GRM8: variants seen among roughly 807,000 people sequenced by gnomAD.
GRM8 encodes glutamate metabotropic receptor 8.
A neutral mutation model predicts 87.2 loss-of-function variants in GRM8; 47 were observed. The ratio of observed to expected loss-of-function variants is 0.54; its 90% CI spans 0.43 to 0.69. The LOEUF (loss-of-function observed/expected upper bound fraction) is 0.69. Ranked by LOEUF, GRM8 falls within the 30% of genes least tolerant of loss-of-function variation. The pLI, the probability that GRM8 is intolerant of heterozygous loss-of-function variation, is 0.00. For missense variants in GRM8, 1,019 were observed against 1,139.2 expected (o/e 0.89, Z 1.52); for synonymous variants, 396 against 404.5 (o/e 0.98, Z 0.25).
chr7:126,616,798 C>T (rs1431893711), intron 7 of GRM8, among the ~76,000 whole-genome samples: 1 of 152,178 alleles, frequency 6.6e-6, no homozygotes, highest in African/African-American at 2.4e-5. Context: ...AATTCCTCGA[C>T]ACATACACCC....
intron 8 of GRM8, among the ~76,000 whole-genome samples, chr7:126,602,950 C>G (rs1300192462): frequency 7.3e-6 from 1 of 137,226 alleles, no homozygotes; most frequent in African/African-American, 2.6e-5. Flanking sequence ...AATTTTAGAC[C>G]AATATCCTTG....
At chr7:127,231,084 C>T (rs1797659415) in intron 2 of GRM8, among the ~76,000 whole-genome samples, 1 of 152,108 alleles carries the variant, frequency 6.6e-6, no homozygotes, top group African/African-American at 2.4e-5. Context: ...TTCATATTAT[C>T]CACTACAATG....
intron 2 of GRM8, among the ~76,000 whole-genome samples, chr7:127,224,982 T>C (rs549694288): frequency 6.6e-6 from 1 of 152,306 alleles, no homozygotes; most frequent in South Asian, 2.1e-4. Flanking sequence ...TGATAAATCA[T>C]GTATGTCTAC....
At position 127,202,226 on chromosome 7, in the gene GRM8, C is replaced by T. The variant is rs1309256408; in HGVS notation, c.510+40469G>A. Among the ~76,000 whole-genome samples, 7 of 149,108 alleles carry T rather than the reference C, an allele frequency of 4.7e-5. No individual in the cohort carries two copies. The East Asian group carries it at 1.2e-3, about 25-fold the overall frequency. ...AAAGGGTCTCACTCTGTCACCCAGG[C>T]TGCAGTATAGTGATGCCATCTCTGC... On this transcript the variant is annotated intron_variant, in intron 2 of 10. Coordinates refer to ENST00000339582, the MANE Select transcript of GRM8 (RefSeq NM_000845.3).
In GRM8 at chr7:127,106,077, G is replaced by A. The variant is rs192988042; in HGVS notation, c.727+419C>T. The stretch of plus-strand genomic sequence containing the variant: ...GAGGGCTACTTCAGCATTGTTTTAA[G>A]ATGATTACTAGACTTAGTCCCTCTA... On this transcript the variant is annotated intron_variant, in intron 3 of 10. Transcript: ENST00000339582. Among the ~76,000 whole-genome samples the A allele has an allele frequency of 3.3e-5, 5 of 152,332 alleles. No homozygotes were observed. In the South Asian group the frequency reaches 6.2e-4, roughly 19 times the overall value.
chr7:126,979,531 T>C lies in GRM8; in HGVS notation c.728-74848A>G, dbSNP rs577839037. ...AGCATTTATATGAGCCTAGTCCGTCTTTTAATGATCGAATGCAATTATCGT... is the reference window on the plus strand; with the variant it reads ...AGCATTTATATGAGCCTAGTCCGTCCTTTAATGATCGAATGCAATTATCGT... On this transcript the variant is annotated intron_variant, in intron 3 of 10. Coordinates refer to ENST00000339582, the MANE Select transcript of GRM8 (RefSeq NM_000845.3). Among the ~76,000 whole-genome samples, 7 of 152,346 alleles carry C rather than the reference T, an allele frequency of 4.6e-5. No homozygotes were observed. In the South Asian group the frequency reaches 1.0e-3, roughly 23 times the overall value.
intron 3 of GRM8, among the ~76,000 whole-genome samples, chr7:127,037,074 C>G (rs1302306071): frequency 1.3e-5 from 2 of 152,116 alleles, no homozygotes; most frequent in Admixed American, 6.5e-5. Context: ...TGCTCAACCC[C>G]ACACTTCCTC....
chr7:126,704,165 G>GTGAAGATT (rs1810241780), intron 7 of GRM8, among the ~76,000 whole-genome samples: 1 of 152,172 alleles, frequency 6.6e-6, no homozygotes, highest in Non-Finnish European at 1.5e-5. Context: ...AATGTGAATT[G>GTGAAGATT]TGAAGATTTC....
chr7:126,461,835 G>A (rs992939720), intron 9 of GRM8, among the ~76,000 whole-genome samples: 5 of 151,602 alleles, frequency 3.3e-5, no homozygotes, highest in Non-Finnish European at 7.4e-5. Flanking sequence ...TTGGCTTAAT[G>A]TATTGTTTTT....
intron 2 of GRM8, among the ~76,000 whole-genome samples, chr7:127,185,521 G>T (rs1457864170): frequency 1.3e-5 from 2 of 151,990 alleles, no homozygotes; most frequent in African/African-American, 2.4e-5. Flanking sequence ...ATTTCTAGAA[G>T]AAAACATAGG....
At chr7:126,465,613 T>G (rs944576943) in intron 9 of GRM8, among the ~76,000 whole-genome samples, 2 of 151,854 alleles carry the variant, frequency 1.3e-5, no homozygotes, top group Non-Finnish European at 2.9e-5. Context: ...TTTATTTTTA[T>G]GTATTCATTC....
intron 3 of GRM8, among the ~76,000 whole-genome samples, chr7:126,929,266 C>T (rs961819373): frequency 6.6e-6 from 1 of 152,126 alleles, no homozygotes; most frequent in Non-Finnish European, 1.5e-5. Context: ...GGAAATACTG[C>T]CTTTTGTAAT....
chr7:126,601,055 A>G (rs997373234), intron 8 of GRM8, among the ~76,000 whole-genome samples: 1 of 150,734 alleles, frequency 6.6e-6, no homozygotes, highest in Admixed American at 6.6e-5. Flanking sequence ...AGCATTAGGT[A>G]TATCTCCCAA....
At chr7:127,216,535 C>CAAAAAAAAAAAAAAAAAAAAAAAA (rs796757040) in intron 2 of GRM8, among the ~76,000 whole-genome samples, 3 of 115,978 alleles carry the variant, frequency 2.6e-5, no homozygotes, top group Non-Finnish European at 3.5e-5. Flanking sequence ...AAAAAAAAAA[C>CAAAAAAAAAAAAAAAAAAAAAAAA]AAAAAAAAAA....
At position 126,491,352 on chromosome 7, in the gene GRM8, G is replaced by T. The variant is rs538643438; in HGVS notation, c.2430+41600C>A. Among the ~76,000 whole-genome samples, 4 of 152,030 alleles carry T rather than the reference G, an allele frequency of 2.6e-5. No individual in the cohort carries two copies. The South Asian group carries it at 8.3e-4, about 32-fold the overall frequency. ...ATTACAAATGTTCAAAAACAAAAGC[G>T]TTTTAAAATAGTGTGTCTATTATCT... On this transcript the variant is annotated intron_variant, in intron 9 of 10. Transcript: ENST00000339582.
intron 2 of GRM8, among the ~76,000 whole-genome samples, chr7:127,210,909 A>G (rs1331393708): frequency 2.6e-5 from 4 of 152,248 alleles, no homozygotes; most frequent in Non-Finnish European, 5.9e-5. Flanking sequence ...TAGGTACCAC[A>G]TAGGTACATT....
Position 126,850,413 on chromosome 7 carries a change from C to A in GRM8, c.1156+52129G>T, listed in dbSNP as rs192256570. 2.0e-5 allele frequency among the ~76,000 whole-genome samples: 3 copies of A among 152,280 alleles called. No individual in the cohort carries two copies. In the East Asian group the frequency reaches 5.8e-4, roughly 29 times the overall value. On this transcript the variant is annotated intron_variant, in intron 6 of 10. Coordinates refer to ENST00000339582, the MANE Select transcript of GRM8 (RefSeq NM_000845.3). ...TATTTTCTAAGTCAATCCCTTCCAT[C>A]CAAACACACCTGGAACACACCTGTA...
At chr7:127,223,892 G>A (rs114118354) in intron 2 of GRM8, among the ~76,000 whole-genome samples, 5,656 of 132,852 alleles carry the variant, frequency 0.043, 388 homozygotes, top group African/African-American at 0.15. Context: ...CTTTGGGACT[G>A]AAATATATTA....
At chr7:126,952,068 T>A (rs1385347770) in intron 3 of GRM8, among the ~76,000 whole-genome samples, 1 of 151,532 alleles carries the variant, frequency 6.6e-6, no homozygotes, top group Non-Finnish European at 1.5e-5. Context: ...AGTGATTGAT[T>A]TCAGGACTAG....
Sources: gnomAD v4.1 joint callset for allele counts (sites outside exome capture counted in the v4.1 genomes callset) on GRCh38, gnomAD v4.1.1 for gene constraint, MANE v1.5 for transcripts, NCBI Gene and HGNC (gene_info 2026-07-23, HGNC 2026-07-21) for gene names.